The following NKAIN2 variants were observed in gnomAD, a reference collection of about 807,000 sequenced individuals.
NKAIN2 encodes sodium/potassium transporting ATPase interacting 2.
A neutral mutation model predicts 32.6 loss-of-function variants in NKAIN2; 14 were observed. The observed-to-expected ratio is 0.43, with a 90% CI of 0.28 to 0.67. NKAIN2 has a LOEUF of 0.67. NKAIN2 is among the 30% of genes least tolerant of loss of function. The probability of loss-of-function intolerance (pLI) is 0.17; values close to 1 mark genes in which losing one functional copy is unlikely to be tolerated. For missense variants in NKAIN2, 198 were observed against 258.3 expected (o/e 0.77, Z 1.60); for synonymous variants, 80 against 87.2 (o/e 0.92, Z 0.46).
intron 1 of NKAIN2, among the ~76,000 whole-genome samples, chr6:124,203,738 G>A (rs1453347725): frequency 2.6e-5 from 4 of 151,768 alleles, no homozygotes; most frequent in African/African-American, 7.2e-5. Context: ...GTGAGAATTA[G>A]AGAGAGGATA....
chr6:124,794,703 G>A (rs1222942123), intron 5 of NKAIN2: 1 of 160,098 alleles, frequency 6.2e-6, no homozygotes, highest in Non-Finnish European at 1.3e-5. Flanking sequence ...CTCGCTGTCT[G>A]TCCAGTTGTC....
intron 3 of NKAIN2, chr6:124,390,888 A>G (rs920561787): frequency 6.6e-6 from 1 of 152,096 alleles, no homozygotes; most frequent in South Asian, 2.1e-4. Flanking sequence ...GCCAGGGGAT[A>G]TAGCACAAGG....
chr6:124,054,118 T>G (rs543697857), intron 1 of NKAIN2, among the ~76,000 whole-genome samples: 1 of 152,214 alleles, frequency 6.6e-6, no homozygotes, highest in South Asian at 2.1e-4. Flanking sequence ...CATTGGAATT[T>G]GGATAAAATC....
At chr6:124,650,731 T>C (rs1178287694) in intron 3 of NKAIN2, among the ~76,000 whole-genome samples, 1 of 152,132 alleles carries the variant, frequency 6.6e-6, no homozygotes, top group Non-Finnish European at 1.5e-5. Flanking sequence ...TTGCACTGGG[T>C]ATTAAATTCA....
chr6:124,631,842 C>T (rs901493265), intron 3 of NKAIN2, among the ~76,000 whole-genome samples: 2 of 152,022 alleles, frequency 1.3e-5, no homozygotes, highest in Non-Finnish European at 2.9e-5. Flanking sequence ...TCACAACTAC[C>T]CCGGACACAG....
At chr6:124,729,822 C>T (rs937907600) in intron 4 of NKAIN2, among the ~76,000 whole-genome samples, 14 of 151,854 alleles carry the variant, frequency 9.2e-5, no homozygotes, top group African/African-American at 3.4e-4. Flanking sequence ...ATTGTCTCAG[C>T]CTAAAATCTC....
At position 124,382,082 on chromosome 6, in the gene NKAIN2, C is replaced by A. The variant is rs538980585; in HGVS notation, c.273+26735C>A. The stretch of plus-strand genomic sequence containing the variant: ...TTAGGAACAGTATTTCTTTTTCTCT[C>A]ATTGTTAGATTTATTATTGAGGTAA... On this transcript the variant is annotated intron_variant, in intron 3 of 6. Transcript: ENST00000368417. 1.6e-4 allele frequency among the ~76,000 whole-genome samples: 24 copies of A among 151,432 alleles called. No individual in the cohort carries two copies. In the South Asian group the frequency reaches 5.0e-3, roughly 32 times the overall value.
intron 1 of NKAIN2, among the ~76,000 whole-genome samples, chr6:123,882,692 T>C (rs1466971897): frequency 6.6e-6 from 1 of 152,230 alleles, no homozygotes; most frequent in Non-Finnish European, 1.5e-5. Context: ...TGTCATTGTG[T>C]AAAGATTTGA....
At chr6:124,005,129 G>A (rs1407456118) in intron 1 of NKAIN2, among the ~76,000 whole-genome samples, 1 of 152,104 alleles carries the variant, frequency 6.6e-6, no homozygotes, top group Non-Finnish European at 1.5e-5. Flanking sequence ...GGAGGCTGAG[G>A]TGGGAGAATC....
intron 4 of NKAIN2, among the ~76,000 whole-genome samples, chr6:124,714,944 T>C (rs1174646350): frequency 6.6e-6 from 1 of 152,174 alleles, no homozygotes; most frequent in Admixed American, 6.5e-5. Flanking sequence ...TAGGCATTTA[T>C]TCATGTCAGA....
chr6:124,742,568 A>G (rs975295030), intron 4 of NKAIN2, among the ~76,000 whole-genome samples: 2 of 151,870 alleles, frequency 1.3e-5, no homozygotes, highest in Non-Finnish European at 2.9e-5. Flanking sequence ...CTTGGCCTCT[A>G]TAATTGTATG....
intron 4 of NKAIN2, among the ~76,000 whole-genome samples, chr6:124,678,058 G>T (rs1435446552): frequency 6.6e-6 from 1 of 152,006 alleles, no homozygotes; most frequent in East Asian, 1.9e-4. Flanking sequence ...TGAGTTGCAA[G>T]ATATTTTTTA....
Position 124,791,327 on chromosome 6 carries a change from GTT to G in NKAIN2, c.475-9_475-8del. On this transcript the variant is annotated splice_polypyrimidine_tract_variant and intron_variant, in intron 4 of 6. Transcript: ENST00000368417. Reference sequence around the variant, plus strand: ...TTTTTCTGATGTCTAAAGCATCTCTGTTTTGTTTCAGCTGGCAGGTTTCATCT... The same window carrying G: ...TTTTTCTGATGTCTAAAGCATCTCTGTTGTTTCAGCTGGCAGGTTTCATCT... The G allele has an allele frequency of 6.2e-7, 1 of 1,605,496 alleles. No individual in the cohort carries two copies. The highest frequency in any genetic ancestry group is 8.5e-7 in the Non-Finnish European group (1 of 1,173,528).
At chr6:124,168,194 T>A (rs113947128) in intron 1 of NKAIN2, among the ~76,000 whole-genome samples, 143 of 152,284 alleles carry the variant, frequency 9.4e-4, no homozygotes, top group African/African-American at 3.4e-3. Context: ...TGTCAGTTTG[T>A]ATTAGTATTG....
intron 4 of NKAIN2, among the ~76,000 whole-genome samples, chr6:124,663,213 T>C (rs1583604080): frequency 6.6e-6 from 1 of 151,834 alleles, no homozygotes; most frequent in African/African-American, 2.4e-5. Context: ...GATCACGAGG[T>C]CAGGAGTTCG....
At chr6:124,017,645 G>A (rs757870015) in intron 1 of NKAIN2, among the ~76,000 whole-genome samples, 2 of 152,114 alleles carry the variant, frequency 1.3e-5, no homozygotes, top group African/African-American at 2.4e-5. Flanking sequence ...ATCCAGTGGG[G>A]CAGTCAAATC....
intron 3 of NKAIN2, among the ~76,000 whole-genome samples, chr6:124,515,000 T>G (rs1778850652): frequency 6.6e-6 from 1 of 152,140 alleles, no homozygotes; most frequent in Admixed American, 6.5e-5. Context: ...ATGTCAAACT[T>G]TATTCTAGGT....
intron 3 of NKAIN2, among the ~76,000 whole-genome samples, chr6:124,460,381 T>G (rs1276703845): frequency 6.6e-6 from 1 of 151,824 alleles, no homozygotes; most frequent in African/African-American, 2.4e-5. Context: ...TTGGCTTTCT[T>G]CTCACTAAAC....
chr6:124,337,057 C>G (rs1416465129), intron 2 of NKAIN2, among the ~76,000 whole-genome samples: 1 of 152,044 alleles, frequency 6.6e-6, no homozygotes, highest in African/African-American at 2.4e-5. Flanking sequence ...CACTGGAGAG[C>G]TGTTAGATCT....
Sources: allele counts gnomAD v4.1 joint callset (sites outside exome capture counted in the v4.1 genomes callset), GRCh38; gene constraint gnomAD v4.1.1; transcripts MANE v1.5; gene names NCBI Gene and HGNC (gene_info 2026-07-23, HGNC 2026-07-21).